Variants in FGF7 observed in about 807,000 individuals in gnomAD.
The protein encoded by FGF7 is fibroblast growth factor 7.
In FGF7, 6 loss-of-function variants were observed where a neutral mutation model predicts 20.5. The ratio of observed to expected loss-of-function variants is 0.29; its 90% CI spans 0.16 to 0.58. FGF7 has a LOEUF of 0.58. FGF7 is among the 20% of genes least tolerant of loss of function. The probability of loss-of-function intolerance (pLI) is 0.90; values close to 1 mark genes in which losing one functional copy is unlikely to be tolerated. For synonymous variants in FGF7, 64 were observed against 74.7 expected, an observed-to-expected ratio of 0.86 and a Z score of 0.74; for missense variants, 144 against 228.8, an observed-to-expected ratio of 0.63 and a Z score of 2.39.
intron 2 of FGF7, among the ~76,000 whole-genome samples, chr15:49,438,384 C>G (rs1436324358): frequency 6.6e-6 from 1 of 151,792 alleles, no homozygotes. Context: ...GAAATTAACT[C>G]GTGACAATGA....
At chr15:49,465,388 G>A (rs904812523) in intron 2 of FGF7, among the ~76,000 whole-genome samples, 2 of 150,838 alleles carry the variant, frequency 1.3e-5, no homozygotes, top group African/African-American at 2.4e-5. Context: ...TGCCCACCTC[G>A]GCCTCCCAAA....
At chr15:49,430,091 G>C (rs1239959379) in intron 2 of FGF7, among the ~76,000 whole-genome samples, 1 of 151,826 alleles carries the variant, frequency 6.6e-6, no homozygotes, top group Non-Finnish European at 1.5e-5. Flanking sequence ...GGGTTCTTCT[G>C]GGCTCATCTG....
chr15:49,481,050 TC>T (rs1240098916), intron 2 of FGF7, among the ~76,000 whole-genome samples: 1 of 152,228 alleles, frequency 6.6e-6, no homozygotes, highest in Non-Finnish European at 1.5e-5. Context: ...ATCAGCATTC[TC>T]TTTTTATCTA....
At chr15:49,460,606 T>C (rs932699920) in intron 2 of FGF7, among the ~76,000 whole-genome samples, 2 of 152,218 alleles carry the variant, frequency 1.3e-5, no homozygotes, top group African/African-American at 4.8e-5. Flanking sequence ...AAAAATGTTC[T>C]AGCAACAGCC....
chr15:49,470,029 T>A (rs950548540), intron 2 of FGF7, among the ~76,000 whole-genome samples: 2 of 152,172 alleles, frequency 1.3e-5, no homozygotes, highest in African/African-American at 4.8e-5. Flanking sequence ...CTTTAACATA[T>A]TTCTTAATTC....
At chr15:49,435,697 A>T (rs2051040498) in intron 2 of FGF7, among the ~76,000 whole-genome samples, 1 of 151,602 alleles carries the variant, frequency 6.6e-6, no homozygotes, top group Admixed American at 6.6e-5. Flanking sequence ...ACCCCAAAGA[A>T]GATGAGCATA....
In FGF7 at chr15:49,476,232, G is replaced by GTTTTTTTTTTTTTTT; in HGVS notation, c.287-6906_287-6905insTTTTTTTTTTTTTTT. 5.2e-3 allele frequency among the ~76,000 whole-genome samples: 298 copies of GTTTTTTTTTTTTTTT among 57,302 alleles called. 45 individuals are homozygous for GTTTTTTTTTTTTTTT. The highest frequency in any genetic ancestry group is 7.8e-3 in the Non-Finnish European group (214 of 27,364). 37.6% of individuals were successfully genotyped at this position (57,302 alleles called of 152,430 possible). On this transcript the variant is annotated intron_variant, in intron 2 of 3. Transcript: ENST00000267843. ...TTGCTGTTTTGTTTTTTTGTTTTTG[G>GTTTTTTTTTTTTTTT]TTTTTTTTTTTTTGCATTTGGCATA...
chr15:49,428,799 C>T (rs1270890782), intron 2 of FGF7, among the ~76,000 whole-genome samples: 2 of 151,962 alleles, frequency 1.3e-5, no homozygotes, highest in African/African-American at 4.8e-5. Context: ...TATAATGAAG[C>T]ACTGTTAGTT....
intron 2 of FGF7, among the ~76,000 whole-genome samples, chr15:49,478,758 T>C (rs575159911): frequency 6.6e-6 from 1 of 152,234 alleles, no homozygotes; most frequent in African/African-American, 2.4e-5. Context: ...CTTTAAATGT[T>C]TCAGGAAAAA....
At chr15:49,482,659 C>G (rs1034277589) in intron 2 of FGF7, among the ~76,000 whole-genome samples, 2 of 151,966 alleles carry the variant, frequency 1.3e-5, no homozygotes, top group African/African-American at 4.8e-5. Context: ...TCCAGTTCTG[C>G]TACTTATCAG....
chr15:49,433,834 C>G (rs903423244), intron 2 of FGF7, among the ~76,000 whole-genome samples: 1 of 151,526 alleles, frequency 6.6e-6, no homozygotes, highest in Non-Finnish European at 1.5e-5. Flanking sequence ...AAACTATAAA[C>G]AGAAAAAAAC....
intron 2 of FGF7, among the ~76,000 whole-genome samples, chr15:49,442,224 T>A (rs1274243988): frequency 6.6e-6 from 1 of 151,708 alleles, no homozygotes; most frequent in African/African-American, 2.4e-5. Flanking sequence ...GCCAATCTAT[T>A]CACTATTTTT....
chr15:49,471,215 G>C (rs2054712278), intron 2 of FGF7, among the ~76,000 whole-genome samples: 1 of 152,034 alleles, frequency 6.6e-6, no homozygotes, highest in Non-Finnish European at 1.5e-5. Flanking sequence ...GCCGGATACA[G>C]TGACTCGTGC....
intron 2 of FGF7, among the ~76,000 whole-genome samples, chr15:49,473,706 G>T (rs74012389): frequency 0.017 from 2,615 of 152,136 alleles, 92 homozygotes; most frequent in African/African-American, 0.06. Context: ...CAAAGAAATT[G>T]TAAAAATAAG....
In FGF7 at chr15:49,484,631, A is replaced by G; in HGVS notation, c.*127A>G. ...CAAGAAAGGCTGGAAAACTACTGAA[A>G]AACTGATCAAGCTGGACTTGTGCAT... On this transcript the variant is annotated 3_prime_UTR_variant, in exon 4 of 4. Transcript: ENST00000267843. 1 of 523,128 alleles carries G rather than the reference A, an allele frequency of 1.9e-6. No homozygotes were observed. The highest frequency in any genetic ancestry group is 3.3e-6 in the Non-Finnish European group (1 of 303,502). The allele number at this position is 523,128 out of a possible 1,614,324, so 32.4% of individuals were successfully genotyped here. A position where few individuals can be genotyped will look rare whatever the true frequency, so the allele number is the denominator to read the frequency against.
intron 2 of FGF7, among the ~76,000 whole-genome samples, chr15:49,472,629 T>C (rs1375833791): frequency 6.6e-6 from 1 of 152,052 alleles, no homozygotes; most frequent in Non-Finnish European, 1.5e-5. Context: ...GGGAGAAAAA[T>C]GCGTACATAT....
intron 2 of FGF7, among the ~76,000 whole-genome samples, chr15:49,475,622 A>G (rs1416296704): frequency 6.6e-6 from 1 of 151,366 alleles, no homozygotes; most frequent in Non-Finnish European, 1.5e-5. Flanking sequence ...TAATTTTTTC[A>G]TAACATCTAA....
chr15:49,480,139 A>G (rs1257447563), intron 2 of FGF7, among the ~76,000 whole-genome samples: 1 of 152,216 alleles, frequency 6.6e-6, no homozygotes, highest in Non-Finnish European at 1.5e-5. Context: ...TCTTTTAGAT[A>G]TGTTGATTTC....
At chr15:49,478,653 T>C (rs1004635437) in intron 2 of FGF7, among the ~76,000 whole-genome samples, 2 of 152,146 alleles carry the variant, frequency 1.3e-5, no homozygotes, top group Admixed American at 6.5e-5. Flanking sequence ...ATCAAACCAC[T>C]GCCTCCACTT....
Sources: allele counts gnomAD v4.1 joint callset (sites outside exome capture counted in the v4.1 genomes callset), GRCh38; gene constraint gnomAD v4.1.1; transcripts MANE v1.5; gene names NCBI Gene and HGNC (gene_info 2026-07-23, HGNC 2026-07-21).